The following ADARB2 variants were observed in gnomAD, a reference collection of about 807,000 sequenced individuals.
ADARB2 encodes the protein adenosine deaminase RNA specific B2 (inactive).
ADARB2 carries 25 observed loss-of-function variants against 62.2 expected under a neutral mutation model. The ratio of observed to expected loss-of-function variants is 0.40; its 90% confidence interval spans 0.29 to 0.56. ADARB2 has a LOEUF of 0.56. Ranked by LOEUF, ADARB2 falls within the 20% of genes least tolerant of loss-of-function variation. ADARB2 has a pLI of 0.43. For synonymous variants in ADARB2, 572 were observed against 500.8 expected, an observed-to-expected ratio of 1.14 and a Z score of -1.90; for missense variants, 1,071 against 1,077.4, an observed-to-expected ratio of 0.99 and a Z score of 0.08.
chr10:1,554,613 C>T (rs1476688780), intron 1 of ADARB2, among the ~76,000 whole-genome samples: 5 of 152,158 alleles, frequency 3.3e-5, no homozygotes, highest in South Asian at 2.1e-4. Flanking sequence ...CAGCCCCCAA[C>T]GGTACTTCAG....
chr10:1,721,307 G>A (rs12219849), intron 1 of ADARB2, among the ~76,000 whole-genome samples: 14,602 of 152,258 alleles, frequency 0.096, 856 homozygotes, highest in Admixed American at 0.2. Flanking sequence ...TGCTGTATGT[G>A]TTCAGATAAG....
intron 1 of ADARB2, among the ~76,000 whole-genome samples, chr10:1,638,006 G>A (rs1462848733): frequency 6.6e-6 from 1 of 152,196 alleles, no homozygotes. Context: ...GAGAGGTTTG[G>A]GGGAAAATGG....
chr10:1,632,532 G>A (rs1309361801), intron 1 of ADARB2, among the ~76,000 whole-genome samples: 1 of 152,222 alleles, frequency 6.6e-6, no homozygotes. Context: ...ATGTGGCTGG[G>A]CCTATGGCGA....
chr10:1,254,635 A>G (rs1446379294), intron 4 of ADARB2, among the ~76,000 whole-genome samples: 2 of 152,252 alleles, frequency 1.3e-5, no homozygotes, highest in East Asian at 1.9e-4. Context: ...GAGCAGAAGT[A>G]TGTGAAAAAA....
At chr10:1,726,962 G>T (rs957754089) in intron 1 of ADARB2, among the ~76,000 whole-genome samples, 1 of 152,102 alleles carries the variant, frequency 6.6e-6, no homozygotes, top group African/African-American at 2.4e-5. Context: ...TTGCTCTCTG[G>T]CGTTTTTAGA....
chr10:1,390,406 T>C (rs1328690802), intron 1 of ADARB2, among the ~76,000 whole-genome samples: 1 of 152,238 alleles, frequency 6.6e-6, no homozygotes, highest in Non-Finnish European at 1.5e-5. Context: ...GCATTTGTCA[T>C]TGGACTGTAA....
At chr10:1,635,957 G>A (rs1833913184) in intron 1 of ADARB2, among the ~76,000 whole-genome samples, 1 of 151,894 alleles carries the variant, frequency 6.6e-6, no homozygotes, top group East Asian at 2.0e-4. Flanking sequence ...ACAAAGAAAC[G>A]AAGAGACATA....
intron 1 of ADARB2, among the ~76,000 whole-genome samples, chr10:1,406,245 G>A (rs1302346041): frequency 2.0e-5 from 3 of 152,192 alleles, no homozygotes; most frequent in South Asian, 4.1e-4. Flanking sequence ...GTTAGCCCAG[G>A]GCCTGCTTCC....
In ADARB2 at chr10:1,271,063, C is replaced by A; in HGVS notation, c.1084G>T (p.Ala362Ser). ...GTGACCAGCTGGGATATGGAGTCTG[C>A]GAATTCCTGAAAGACACAAGCACAG... ...ARRTPMPQEF[A>S]DSISQLVTQK... is the part of the protein sequence containing the mutation. The change falls in exon 4 of 10, where the codon GCA becomes TCA. Residue 362 changes from alanine to serine, a missense_variant. Transcript: ENST00000381312. 7 of 1,613,722 alleles carry A rather than the reference C, an allele frequency of 4.3e-6. No individual in the cohort carries two copies. The highest frequency in any genetic ancestry group is 2.2e-5 in the East Asian group (1 of 44,842).
chr10:1,194,735 T>C (rs949745136), intron 8 of ADARB2, among the ~76,000 whole-genome samples: 1 of 152,202 alleles, frequency 6.6e-6, no homozygotes, highest in African/African-American at 2.4e-5. Context: ...AATTCCTATT[T>C]GGTTCTGTTT....
At chr10:1,653,945 G>T (rs541943146) in intron 1 of ADARB2, among the ~76,000 whole-genome samples, 1 of 152,180 alleles carries the variant, frequency 6.6e-6, no homozygotes, top group Non-Finnish European at 1.5e-5. Flanking sequence ...CGTGTGGCTG[G>T]GGGAGGGGAG....
chr10:1,509,559 C>T (rs1432555379), intron 1 of ADARB2, among the ~76,000 whole-genome samples: 3 of 152,172 alleles, frequency 2.0e-5, no homozygotes, highest in Admixed American at 1.3e-4. Flanking sequence ...GTCATTTAGT[C>T]AAAATGCTGG....
At chr10:1,301,257 TTAAAAA>T (rs1831570094) in intron 3 of ADARB2, among the ~76,000 whole-genome samples, 1 of 152,172 alleles carries the variant, frequency 6.6e-6, no homozygotes, top group Admixed American at 6.5e-5. Flanking sequence ...CTTAATTCCG[TTAAAAA>T]TAAAATACAG....
intron 1 of ADARB2, among the ~76,000 whole-genome samples, chr10:1,703,974 ATTTTAG>A (rs1226477701): frequency 6.6e-6 from 1 of 152,186 alleles, no homozygotes; most frequent in Non-Finnish European, 1.5e-5. Context: ...GCCGTGATTG[ATTTTAG>A]TTTGTTTATT....
chr10:1,374,955 A>T (rs1446722065), intron 2 of ADARB2, among the ~76,000 whole-genome samples: 1 of 150,082 alleles, frequency 6.7e-6, no homozygotes, highest in African/African-American at 2.5e-5. Flanking sequence ...TGGAAGCGAC[A>T]GGAGGCAGGC....
chr10:1,510,110 C>CTCTTTCTTTCTTTCTTCTTTCTTTCTT (rs1831909089), intron 1 of ADARB2, among the ~76,000 whole-genome samples: 1 of 106,184 alleles, frequency 9.4e-6, no homozygotes, highest in African/African-American at 3.6e-5. Flanking sequence ...CTTTCTTTCT[C>CTCTTTCTTTCTTTCTTCTTTCTTTCTT]TCTTTCTTTC....
intron 1 of ADARB2, among the ~76,000 whole-genome samples, chr10:1,483,936 CT>C (rs538372213): frequency 5.9e-5 from 9 of 152,276 alleles, no homozygotes; most frequent in Middle Eastern, 3.4e-3. Flanking sequence ...TTTTCTTCCC[CT>C]GAATGAAAGT....
chr10:1,714,859 A>T (rs1834996292), intron 1 of ADARB2, among the ~76,000 whole-genome samples: 1 of 152,186 alleles, frequency 6.6e-6, no homozygotes, highest in Non-Finnish European at 1.5e-5. Flanking sequence ...GCTATTTTTT[A>T]AAATTATTAT....
Position 1,306,833 on chromosome 10 carries a change from A to G in ADARB2, c.1078-35764T>C, listed in dbSNP as rs193257949. ...CCTGACAAAAACAGGCAATGGGGAA[A>G]GGATTCCCTATTTAATAAATGGTGC... On this transcript the variant is annotated intron_variant, in intron 3 of 9. Transcript: ENST00000381312. Among the ~76,000 whole-genome samples the G allele has an allele frequency of 8.1e-3, 1,230 of 151,772 alleles. 20 individuals are homozygous for G. The highest frequency in any genetic ancestry group is 0.028 in the African/African-American group (1,155 of 41,458).
Sources: gnomAD v4.1 joint callset for allele counts (sites outside exome capture counted in the v4.1 genomes callset) on GRCh38, gnomAD v4.1.1 for gene constraint, MANE v1.5 for transcripts, NCBI Gene and HGNC (gene_info 2026-07-23, HGNC 2026-07-21) for gene names.